The following FILIP1L variants were observed in gnomAD, a reference collection of about 807,000 sequenced individuals.
The protein encoded by FILIP1L is filamin A-interacting protein 1-like.
A neutral mutation model predicts 96.6 loss-of-function variants in FILIP1L; 55 were observed. The ratio of observed to expected loss-of-function variants is 0.57; its 90% CI spans 0.46 to 0.71. The LOEUF is 0.71. Ranked by LOEUF, FILIP1L falls within the 30% of genes least tolerant of loss-of-function variation. FILIP1L has a pLI of 0.00. For synonymous variants in FILIP1L, 467 were observed against 473.9 expected (o/e 0.99, Z 0.19); for missense variants, 1,304 against 1,321.2 (o/e 0.99, Z 0.20).
intron 1 of FILIP1L, among the ~76,000 whole-genome samples, chr3:100,003,602 A>T (rs1709905429): frequency 6.6e-6 from 1 of 152,156 alleles, no homozygotes; most frequent in Non-Finnish European, 1.5e-5. Context: ...CACTAAGTAC[A>T]GTGTTTTTTC....
chr3:99,970,158 A>G (rs1708771328), intron 1 of FILIP1L, among the ~76,000 whole-genome samples: 2 of 152,236 alleles, frequency 1.3e-5, no homozygotes, highest in Admixed American at 6.5e-5. Flanking sequence ...CATTCTCACA[A>G]CTACCTTCTG....
At chr3:99,966,946 TG>T (rs1371854403) in intron 1 of FILIP1L, among the ~76,000 whole-genome samples, 1 of 152,168 alleles carries the variant, frequency 6.6e-6, no homozygotes, top group Admixed American at 6.5e-5. Flanking sequence ...ACTGAACCTC[TG>T]TACTGCCCCA....
intron 1 of FILIP1L, among the ~76,000 whole-genome samples, chr3:100,009,605 A>C (rs1039688042): frequency 2.0e-5 from 3 of 152,234 alleles, no homozygotes; most frequent in Non-Finnish European, 4.4e-5. Flanking sequence ...CATGAACATC[A>C]GTATTCACTT....
chr3:99,929,756 G>T, intron 3 of FILIP1L, 100 bp downstream of exon 3: 1 of 847,764 alleles, frequency 1.2e-6, no homozygotes, highest in Non-Finnish European at 1.8e-6. Flanking sequence ...GCGTTAGAAA[G>T]TAAAACTGTA....
At chr3:100,011,548 A>G (rs1710157245) in intron 1 of FILIP1L, among the ~76,000 whole-genome samples, 1 of 152,216 alleles carries the variant, frequency 6.6e-6, no homozygotes. Context: ...ATTTATATCT[A>G]TAAAGCCTGT....
At chr3:100,018,433 G>T (rs945470874) in intron 1 of FILIP1L, among the ~76,000 whole-genome samples, 6 of 152,142 alleles carry the variant, frequency 3.9e-5, no homozygotes, top group African/African-American at 1.4e-4. Flanking sequence ...AGGTGCACTG[G>T]AGTTGAGAGG....
At chr3:99,898,435 C>T (rs2107622999) in intron 4 of FILIP1L, 1 of 152,216 alleles carries the variant, frequency 6.6e-6, no homozygotes, top group Admixed American at 6.5e-5. Flanking sequence ...GACAAATTTC[C>T]ATCTGGAATT....
intron 3 of FILIP1L, among the ~76,000 whole-genome samples, chr3:99,929,367 ACT>A (rs1214823717): frequency 2.0e-5 from 3 of 151,786 alleles, no homozygotes; most frequent in African/African-American, 7.2e-5. Flanking sequence ...GTTTTTAAAA[ACT>A]CTATTTCTTG....
At chr3:100,081,825 T>A (rs1275350963) in intron 1 of FILIP1L, among the ~76,000 whole-genome samples, 1 of 152,164 alleles carries the variant, frequency 6.6e-6, no homozygotes, top group Admixed American at 6.5e-5. Flanking sequence ...TGCAGAGGGC[T>A]GTCCTGTGCA....
At chr3:99,863,480 T>C (rs2107561650) in intron 4 of FILIP1L, among the ~76,000 whole-genome samples, 1 of 152,306 alleles carries the variant, frequency 6.6e-6, no homozygotes, top group South Asian at 2.1e-4. Flanking sequence ...TAGTCAAAAA[T>C]GTCAAGTAGA....
chr3:100,069,448 G>A (rs74324458), intron 1 of FILIP1L, among the ~76,000 whole-genome samples: 1,791 of 152,238 alleles, frequency 0.012, 19 homozygotes, highest in African/African-American at 0.026. Flanking sequence ...AGAGAAAGGA[G>A]ATGGCTGGTT....
chr3:100,032,584 T>C (rs1413749503), intron 1 of FILIP1L, among the ~76,000 whole-genome samples: 1 of 152,222 alleles, frequency 6.6e-6, no homozygotes, highest in Non-Finnish European at 1.5e-5. Context: ...ATGCATTTTG[T>C]ATCACAAGAA....
intron 5 of FILIP1L, chr3:99,847,842 T>A (rs1943437514): frequency 1.7e-6 from 1 of 596,408 alleles, no homozygotes; most frequent in Non-Finnish European, 2.1e-6. Context: ...GAAGAATTAA[T>A]AGAGACTATA....
chr3:99,972,797 G>T (rs1339321110), intron 1 of FILIP1L, among the ~76,000 whole-genome samples: 6 of 152,214 alleles, frequency 3.9e-5, no homozygotes, highest in African/African-American at 7.2e-5. Context: ...ACTTCCATAA[G>T]TGTGAGGCAA....
intron 5 of FILIP1L, among the ~76,000 whole-genome samples, chr3:99,832,477 G>C (rs538319394): frequency 7.7e-5 from 11 of 142,464 alleles, no homozygotes; most frequent in Non-Finnish European, 1.2e-4. Context: ...TGATCCGCCC[G>C]CCTTGGCCTC....
intron 1 of FILIP1L, among the ~76,000 whole-genome samples, chr3:100,001,898 C>T (rs1167622532): frequency 6.6e-6 from 1 of 152,140 alleles, no homozygotes; most frequent in African/African-American, 2.4e-5. Flanking sequence ...CATAGAAGGT[C>T]GGGGACCCAA....
chr3:99,863,782 A>G (rs998315120), intron 4 of FILIP1L, among the ~76,000 whole-genome samples: 2 of 152,228 alleles, frequency 1.3e-5, no homozygotes, highest in Non-Finnish European at 2.9e-5. Context: ...AACTGTAACC[A>G]CTGATACTAG....
At chr3:99,879,270 A>G (rs1705640946) in intron 4 of FILIP1L, among the ~76,000 whole-genome samples, 1 of 152,208 alleles carries the variant, frequency 6.6e-6, no homozygotes, top group South Asian at 2.1e-4. Context: ...ACAAGGAGAT[A>G]CCAACTAGAT....
At chr3:99,832,320 T>G (rs982315226) in intron 5 of FILIP1L, among the ~76,000 whole-genome samples, 1 of 146,378 alleles carries the variant, frequency 6.8e-6, no homozygotes, top group Non-Finnish European at 1.5e-5. Flanking sequence ...AAGCTCCGCC[T>G]CCCGGGCTCC....
Sources: gnomAD v4.1 joint callset for allele counts (sites outside exome capture counted in the v4.1 genomes callset) on GRCh38, gnomAD v4.1.1 for gene constraint, MANE v1.5 for transcripts, NCBI Gene and HGNC (gene_info 2026-07-23, HGNC 2026-07-21) for gene names.